Variants in SULF1 observed in about 807,000 individuals in gnomAD.
The protein encoded by SULF1 is extracellular sulfatase Sulf-1.
In SULF1, 46 loss-of-function variants were observed where a neutral mutation model predicts 110.5. The observed-to-expected ratio is 0.42, with a 90% CI of 0.33 to 0.53. The LOEUF is 0.53. SULF1 is among the 20% of genes least tolerant of loss of function. The probability of loss-of-function intolerance (pLI) is 0.12; values close to 1 mark genes in which losing one functional copy is unlikely to be tolerated. For synonymous variants in SULF1, 371 were observed against 387.1 expected (o/e 0.96, Z 0.49); for missense variants, 941 against 1,094.2 (o/e 0.86, Z 1.98).
chr8:69,528,971 G>A (rs1586315117), intron 3 of SULF1, among the ~76,000 whole-genome samples: 1 of 152,146 alleles, frequency 6.6e-6, no homozygotes, highest in Admixed American at 6.5e-5. Context: ...AAATAAATTA[G>A]TAATGAAAAA....
intron 2 of SULF1, among the ~76,000 whole-genome samples, chr8:69,500,386 T>G (rs527528526): frequency 1.3e-5 from 2 of 152,314 alleles, no homozygotes; most frequent in East Asian, 3.9e-4. Flanking sequence ...CAAGGCCACA[T>G]AGCCAGTGAA....
chr8:69,592,531 AG>A (rs1265891768), intron 8 of SULF1, among the ~76,000 whole-genome samples: 9 of 152,210 alleles, frequency 5.9e-5, no homozygotes, highest in African/African-American at 2.2e-4. Flanking sequence ...TTCCTGCCTC[AG>A]CTGCCCTCAC....
At chr8:69,546,613 A>T (rs1194434716) in intron 3 of SULF1, among the ~76,000 whole-genome samples, 2 of 152,236 alleles carry the variant, frequency 1.3e-5, no homozygotes, top group Non-Finnish European at 2.9e-5. Context: ...TTGTAAAAAG[A>T]CTTTAAAATG....
At chr8:69,561,761 CCAACCTCT>C (rs1378016589) in intron 3 of SULF1, among the ~76,000 whole-genome samples, 2 of 152,180 alleles carry the variant, frequency 1.3e-5, no homozygotes, top group Non-Finnish European at 2.9e-5. Flanking sequence ...ACTTAAGGAA[CCAACCTCT>C]AAGAAATTTC....
intron 1 of SULF1, among the ~76,000 whole-genome samples, chr8:69,470,580 C>A (rs2725088): frequency 3.3e-5 from 5 of 151,846 alleles, no homozygotes; most frequent in African/African-American, 7.3e-5. Context: ...ACCATCCCAG[C>A]GCAATGATCA....
chr8:69,603,891 A>G (rs1279796279), intron 12 of SULF1, among the ~76,000 whole-genome samples: 1 of 152,208 alleles, frequency 6.6e-6, no homozygotes, highest in East Asian at 1.9e-4. Context: ...ACACAGTTAG[A>G]TAGAAGTTAT....
At chr8:69,583,139 A>G (rs969258782) in intron 6 of SULF1, among the ~76,000 whole-genome samples, 1 of 152,222 alleles carries the variant, frequency 6.6e-6, no homozygotes, top group Non-Finnish European at 1.5e-5. Flanking sequence ...CATTCAACAA[A>G]CAAACATTGC....
At chr8:69,547,522 C>CA (rs2150684022) in intron 3 of SULF1, among the ~76,000 whole-genome samples, 1 of 152,276 alleles carries the variant, frequency 6.6e-6, no homozygotes, top group East Asian at 1.9e-4. Flanking sequence ...TTTCATCTAC[C>CA]TTGACTGGCG....
intron 5 of SULF1, 84 bp from the exon 6 acceptor site, chr8:69,575,886 G>A (rs1805575386): frequency 2.0e-6 from 3 of 1,502,032 alleles, no homozygotes; most frequent in Non-Finnish European, 2.7e-6. Context: ...ATAAGTCAGG[G>A]AAACAGAGGC....
intron 8 of SULF1, among the ~76,000 whole-genome samples, chr8:69,595,894 T>C (rs1807276260): frequency 1.3e-5 from 2 of 152,252 alleles, no homozygotes; most frequent in Admixed American, 1.3e-4. Flanking sequence ...AAACTCTTTC[T>C]TTGCTAGTAA....
intron 3 of SULF1, among the ~76,000 whole-genome samples, chr8:69,511,503 G>C (rs1811554682): frequency 1.3e-5 from 2 of 152,206 alleles, no homozygotes; most frequent in Non-Finnish European, 2.9e-5. Flanking sequence ...TGCATGCTGA[G>C]CTTCACGAAA....
chr8:69,487,058 G>A (rs368314173), intron 1 of SULF1, among the ~76,000 whole-genome samples: 55 of 152,188 alleles, frequency 3.6e-4, no homozygotes, highest in South Asian at 2.3e-3. Flanking sequence ...TTGAAAGATC[G>A]TTTCCAGATT....
chr8:69,550,497 C>G lies in SULF1; in HGVS notation c.-133-13042C>G, dbSNP rs558767005. ...AAGAAAAAGGTGGAATGGTGAGGGA[C>G]TTTTGGCAGTCACGGGGCAGAATGG... On this transcript the variant is annotated intron_variant, in intron 3 of 22. Transcript: ENST00000402687. 7.2e-5 allele frequency among the ~76,000 whole-genome samples: 11 copies of G among 152,106 alleles called. No homozygotes were observed. The South Asian group carries it at 2.1e-3, about 29-fold the overall frequency.
In SULF1 at chr8:69,569,878, CT is replaced by C. The variant is rs71556771; in HGVS notation, c.172+5741del. Among the ~76,000 whole-genome samples, 8 of 148,222 alleles carry C rather than the reference CT, an allele frequency of 5.4e-5. No homozygotes were observed. In the East Asian group the frequency reaches 7.9e-4, roughly 15 times the overall value. On this transcript the variant is annotated intron_variant, in intron 5 of 22. Coordinates refer to ENST00000402687, the MANE Select transcript of SULF1 (RefSeq NM_001128205.2). ...CCCTTTGGTTTTAGGTAAAAAACAT[CT>C]TTTTTTTTTCTTGCCAATTCCATAG...
At chr8:69,510,610 G>GTT (rs796862089) in intron 3 of SULF1, among the ~76,000 whole-genome samples, 1 of 92,086 alleles carries the variant, frequency 1.1e-5, no homozygotes, top group African/African-American at 4.0e-5. Flanking sequence ...TTTTTGGTGG[G>GTT]TTTTTTTTTG....
At chr8:69,554,173 A>G (rs1814921967) in intron 3 of SULF1, among the ~76,000 whole-genome samples, 1 of 152,230 alleles carries the variant, frequency 6.6e-6, no homozygotes, top group Non-Finnish European at 1.5e-5. Flanking sequence ...TGAGAAATGA[A>G]AGTTTAAAAC....
intron 3 of SULF1, among the ~76,000 whole-genome samples, chr8:69,550,509 A>T (rs1048360767): frequency 2.6e-5 from 4 of 152,266 alleles, no homozygotes; most frequent in Non-Finnish European, 5.9e-5. Context: ...TTTGGCAGTC[A>T]CGGGGCAGAA....
At chr8:69,562,793 T>G (rs576239820) in intron 3 of SULF1, 9 of 153,332 alleles carry the variant, frequency 5.9e-5, no homozygotes, top group African/African-American at 2.2e-4. Context: ...TTAAGATCTG[T>G]GACAAAGCGA....
At chr8:69,472,275 C>T (rs970890081) in intron 1 of SULF1, among the ~76,000 whole-genome samples, 1 of 152,138 alleles carries the variant, frequency 6.6e-6, no homozygotes, top group African/African-American at 2.4e-5. Flanking sequence ...CCTGGCTCAC[C>T]ATCTAGAAAG....
Sources: allele counts gnomAD v4.1 joint callset (sites outside exome capture counted in the v4.1 genomes callset), GRCh38; gene constraint gnomAD v4.1.1; transcripts MANE v1.5; gene names NCBI Gene and HGNC (gene_info 2026-07-23, HGNC 2026-07-21).